HDAC9: variants seen among roughly 807,000 people sequenced by gnomAD.
HDAC9 encodes the protein histone deacetylase 9.
In HDAC9, 41 loss-of-function variants were observed where a neutral mutation model predicts 139.4. That is an observed-to-expected ratio of 0.29 (90% confidence interval 0.23 to 0.38). HDAC9 has a LOEUF of 0.38. Among genes scored for constraint, HDAC9 ranks in the 10% least tolerant of loss-of-function variants. The pLI is 1.00. For missense variants in HDAC9, 1,147 were observed against 1,297.0 expected (o/e 0.88, Z 1.78); for synonymous variants, 517 against 476.2 (o/e 1.09, Z -1.12).
chr7:18,819,473 T>C (rs919687494), intron 17 of HDAC9, among the ~76,000 whole-genome samples: 3 of 152,170 alleles, frequency 2.0e-5, no homozygotes, highest in Non-Finnish European at 2.9e-5. Context: ...GTTATGAAAA[T>C]AGACTAGTCT....
chr7:18,898,286 C>A (rs867452908), intron 22 of HDAC9, among the ~76,000 whole-genome samples: 1 of 151,814 alleles, frequency 6.6e-6, no homozygotes, highest in South Asian at 2.1e-4. Context: ...AGAAGTACAT[C>A]AGATTACCTG....
At chr7:18,993,650 T>C (rs1041781851) in intron 25 of HDAC9, among the ~76,000 whole-genome samples, 1 of 151,824 alleles carries the variant, frequency 6.6e-6, no homozygotes, top group Non-Finnish European at 1.5e-5. Context: ...TATTTTTTTT[T>C]TAATTAGCCC....
At chr7:18,972,739 C>G (rs1784325886) in intron 24 of HDAC9, among the ~76,000 whole-genome samples, 1 of 152,042 alleles carries the variant, frequency 6.6e-6, no homozygotes. Flanking sequence ...TTATGATAGC[C>G]TCAATAATTT....
chr7:18,432,812 A>G (rs1268803369), intron 1 of HDAC9, among the ~76,000 whole-genome samples: 1 of 152,190 alleles, frequency 6.6e-6, no homozygotes, highest in East Asian at 1.9e-4. Flanking sequence ...TTAGCTGGGC[A>G]TGGTGGCAGG....
intron 13 of HDAC9, among the ~76,000 whole-genome samples, chr7:18,745,336 C>G (rs1045736027): frequency 1.3e-5 from 2 of 152,062 alleles, no homozygotes; most frequent in Admixed American, 1.3e-4. Context: ...AGCCCCTGGA[C>G]TTTGAATTAT....
chr7:18,782,186 A>G (rs1361090401), intron 16 of HDAC9, among the ~76,000 whole-genome samples: 1 of 152,084 alleles, frequency 6.6e-6, no homozygotes, highest in African/African-American at 2.4e-5. Flanking sequence ...GAAGAGTTTC[A>G]TTTCCCAACT....
intron 11 of HDAC9, among the ~76,000 whole-genome samples, chr7:18,659,911 C>T (rs1024973529): frequency 6.6e-5 from 10 of 152,132 alleles, no homozygotes; most frequent in African/African-American, 2.4e-4. Flanking sequence ...CAAAGAGAGA[C>T]CCTGCCACCC....
intron 25 of HDAC9, among the ~76,000 whole-genome samples, chr7:18,983,628 T>C (rs1335962850): frequency 6.6e-6 from 1 of 152,198 alleles, no homozygotes; most frequent in Non-Finnish European, 1.5e-5. Flanking sequence ...TGCTGGGTTG[T>C]AGGGAAGTCA....
At position 18,249,513 on chromosome 7, in the gene HDAC9, A is replaced by C. The variant is rs973537015; in HGVS notation, c.25+87164A>C. Among the ~76,000 whole-genome samples, 44 of 148,342 alleles carry C rather than the reference A, an allele frequency of 3.0e-4. No individual in the cohort carries two copies. The East Asian group carries it at 3.6e-3, about 12-fold the overall frequency. On this transcript the variant is annotated intron_variant, in intron 2 of 12. Coordinates refer to the HDAC9 transcript ENST00000417496. ...GCAAGACTCTGTCTCAAAAAAAAAAAAAAAAAAAAACAAAAAAAAAACTTT... is the reference window on the plus strand; with the variant it reads ...GCAAGACTCTGTCTCAAAAAAAAAACAAAAAAAAAACAAAAAAAAAACTTT...
At chr7:18,462,130 G>T (rs147180715) in intron 1 of HDAC9, among the ~76,000 whole-genome samples, 198 of 151,878 alleles carry the variant, frequency 1.3e-3, no homozygotes, top group East Asian at 7.9e-3. Flanking sequence ...AAATCATCTG[G>T]AAATTATGAC....
At chr7:18,091,890 A>G (rs1782175831) in intron 1 of HDAC9, among the ~76,000 whole-genome samples, 1 of 152,352 alleles carries the variant, frequency 6.6e-6, no homozygotes, top group South Asian at 2.1e-4. Context: ...ATTCTTTGCC[A>G]TGTGGCCCTC....
chr7:18,527,293 A>G (rs919274076), intron 2 of HDAC9, among the ~76,000 whole-genome samples: 5 of 152,232 alleles, frequency 3.3e-5, no homozygotes, highest in African/African-American at 1.2e-4. Flanking sequence ...TCTTTTGGAT[A>G]ATTTTATTTA....
intron 1 of HDAC9, among the ~76,000 whole-genome samples, chr7:18,367,711 C>G (rs1784295629): frequency 6.6e-6 from 1 of 152,000 alleles, no homozygotes; most frequent in Non-Finnish European, 1.5e-5. Flanking sequence ...AATTGCTGAG[C>G]TAAGTCATAG....
At chr7:18,905,138 G>A (rs1399850955) in intron 22 of HDAC9, among the ~76,000 whole-genome samples, 5 of 151,908 alleles carry the variant, frequency 3.3e-5, no homozygotes, top group Admixed American at 3.3e-4. Context: ...TGATCCACCC[G>A]CCTTGGCCTC....
chr7:18,200,812 C>T (rs1478338459), intron 2 of HDAC9, among the ~76,000 whole-genome samples: 1 of 152,112 alleles, frequency 6.6e-6, no homozygotes, highest in Non-Finnish European at 1.5e-5. Flanking sequence ...TTTTTCCCTC[C>T]TCAGCAGTTT....
At chr7:18,363,091 T>C (rs1783908579) in intron 1 of HDAC9, among the ~76,000 whole-genome samples, 1 of 152,158 alleles carries the variant, frequency 6.6e-6, no homozygotes, top group South Asian at 2.1e-4. Context: ...AAGAAAAGCA[T>C]ATTTTGAAAG....
intron 24 of HDAC9, among the ~76,000 whole-genome samples, chr7:18,955,239 G>A (rs984917868): frequency 6.6e-5 from 10 of 152,066 alleles, no homozygotes; most frequent in South Asian, 4.1e-4. Context: ...ACAAAGCAGC[G>A]AAGGCTGGAG....
Position 18,253,625 on chromosome 7 carries a change from A to G in HDAC9, c.25+91276A>G, listed in dbSNP as rs546895734. Among the ~76,000 whole-genome samples the G allele has an allele frequency of 2.6e-5, 4 of 152,326 alleles. No individual in the cohort carries two copies. In the East Asian group the frequency reaches 7.7e-4, roughly 29 times the overall value. ...GACAAACCACAATCTTGATTGCTTA[A>G]TACAATAAAGGATTATTTCTCACCA... On this transcript the variant is annotated intron_variant, in intron 2 of 12. Transcript: ENST00000417496.
chr7:18,431,476 A>G (rs1163318121), intron 1 of HDAC9, among the ~76,000 whole-genome samples: 2 of 152,120 alleles, frequency 1.3e-5, no homozygotes, highest in Admixed American at 1.3e-4. Flanking sequence ...TTTGATACCA[A>G]CCAAAATCTG....
Sources: allele counts gnomAD v4.1 joint callset (sites outside exome capture counted in the v4.1 genomes callset), GRCh38; gene constraint gnomAD v4.1.1; transcripts MANE v1.5; gene names NCBI Gene and HGNC (gene_info 2026-07-23, HGNC 2026-07-21).